The following BRD3 variants were observed in gnomAD, a reference collection of about 807,000 sequenced individuals.
BRD3 encodes bromodomain-containing protein 3.
A neutral mutation model predicts 66.8 loss-of-function variants in BRD3; 17 were observed. That is an observed-to-expected ratio of 0.25 (90% CI 0.17 to 0.38). BRD3 has a LOEUF of 0.38. BRD3 is among the 10% of genes least tolerant of loss of function. The pLI, the probability that BRD3 is intolerant of heterozygous loss-of-function variation, is 1.00. For missense variants in BRD3, 713 were observed against 956.1 expected (o/e 0.75, Z 3.35); for synonymous variants, 421 against 393.2 (o/e 1.07, Z -0.84).
rs377011030 is a variant in BRD3 at position 134,036,346 on chromosome 9, C to T, written c.1644-22G>A. 3.7e-5 allele frequency: 58 copies of T among 1,582,784 alleles called. No individual in the cohort carries two copies. The African/African-American group carries it at 7.0e-4, about 19-fold the overall frequency. ...CTGTCTGGGGCAGGAGACAGAGCAA[C>T]GTGGTGTTGAGTCTCCGTCTACCTG... On this transcript the variant is annotated intron_variant, in intron 9 of 11. Transcript: ENST00000303407.
At position 134,036,197 on chromosome 9, in the gene BRD3, T is replaced by C. The variant is rs1191677731; in HGVS notation, c.1771A>G (p.Lys591Glu). 6.2e-7 allele frequency: 1 copy of C among 1,614,198 alleles called. No individual in the cohort carries two copies. ...ATGATGTGCACTACCCGGCCCAGCT[T>C]CTCCCCGGGCAGCCGGTTGATGTCC... ...SLDINRLPGE[K>E]LGRVVHIIQS... The change falls in exon 10 of 12, where the codon AAG (lysine) becomes GAG (glutamate). Residue 591 changes from lysine to glutamate, a missense_variant. Physicochemically the swap from Lys to Glu is moderately conservative, Grantham distance 56. Around this residue, in one of 5 missense-constraint regions of BRD3, gnomAD observed 418 missense variants for 609.3 expected, o/e 0.69. Transcript: ENST00000303407.
At position 134,050,487 on chromosome 9, in the gene BRD3, C is replaced by A. The variant is rs2132423143; in HGVS notation, c.601G>T (p.Val201Leu). ...GTGACGTTTGCAGTGATGGTTGGTA[C>A]AGGGGTGGCAGCGATGACGGGCGTC... is the stretch of plus-strand genomic sequence containing the variant. ...SQTPVIAATP[V>L]PTITANVTSV... is the part of the protein sequence containing the mutation. Residue 201 changes from valine (V) to leucine (L), a missense_variant, in exon 5 of 12, where the codon GTA (valine) becomes TTA (leucine). By Grantham distance (32) the Val-to-Leu change is conservative. Coordinates refer to ENST00000303407, the MANE Select transcript of BRD3 (RefSeq NM_007371.4). 1 of 1,609,744 alleles carries A rather than the reference C, an allele frequency of 6.2e-7. No individual in the cohort carries two copies. Among genetic ancestry groups the A allele is most frequent in the Non-Finnish European group, 8.5e-7 (1 of 1,177,840 alleles).
intron 1 of BRD3, among the ~76,000 whole-genome samples, chr9:134,064,383 TAAAA>T (rs149541121): frequency 6.0e-5 from 9 of 149,184 alleles, no homozygotes; most frequent in Non-Finnish European, 1.0e-4. Context: ...TAAAAAAAAT[TAAAA>T]AAAATAGCCA....
intron 1 of BRD3, among the ~76,000 whole-genome samples, chr9:134,066,819 T>A (rs1830669026): frequency 6.6e-6 from 1 of 152,224 alleles, no homozygotes; most frequent in Admixed American, 6.5e-5. Context: ...AGTATCTATT[T>A]CTGAGCAGAA....
chr9:134,036,629 G>T (rs762725959), intron 9 of BRD3: 4 of 1,423,496 alleles, frequency 2.8e-6, no homozygotes, highest in Non-Finnish European at 4.0e-6. Context: ...AAAAAAGGGG[G>T]AACAAAGGAA....
Position 134,041,690 on chromosome 9 carries a change from G to T in BRD3, c.1407+70C>A. 5 of 1,537,464 alleles carry T rather than the reference G, an allele frequency of 3.3e-6. No individual in the cohort carries two copies. In the South Asian group the frequency reaches 6.0e-5, roughly 18 times the overall value. On this transcript the variant is annotated intron_variant, in intron 8 of 11. Transcript: ENST00000303407. ...AGAGGAAGGAACCATGCAAAGGGAC[G>T]GACCTTGGGCTGCTGTGCCAGCAAT...
intron 7 of BRD3, 129 bp from the exon 8 acceptor site, chr9:134,042,080 G>A: frequency 3.6e-6 from 4 of 1,104,328 alleles, no homozygotes; most frequent in Non-Finnish European, 5.0e-6. Context: ...GGGCTAGGAG[G>A]AGACAGGGTC....
At position 134,033,961 on chromosome 9, in the gene BRD3, A is replaced by G. The variant is rs1843557537; in HGVS notation, c.2066-256T>C. 6.6e-6 allele frequency among the ~76,000 whole-genome samples: 1 copy of G among 152,184 alleles called. No individual in the cohort carries two copies. The highest frequency in any genetic ancestry group is 1.5e-5 in the Non-Finnish European group (1 of 68,022). On this transcript the variant is annotated intron_variant, in intron 11 of 11. Coordinates refer to ENST00000303407, the MANE Select transcript of BRD3 (RefSeq NM_007371.4). The surrounding 1 kb of genome is among the most constrained non-coding windows in gnomAD (Gnocchi z 5.1). ...GCGAGAAAGGCTGCCCATCAAAAAC[A>G]TCCACCAGTCACATGGCCACCAGCA... is the stretch of plus-strand genomic sequence containing the variant.
chr9:134,034,958 G>A, intron 10 of BRD3, 129 bp from the exon 11 acceptor site: 1 of 1,392,954 alleles, frequency 7.2e-7, no homozygotes, highest in Non-Finnish European at 9.8e-7. Context: ...GCTTTCATGA[G>A]TCTGGGAGCT....
At chr9:134,062,837 G>A (rs1463601839) in intron 1 of BRD3, among the ~76,000 whole-genome samples, 4 of 152,206 alleles carry the variant, frequency 2.6e-5, no homozygotes, top group Non-Finnish European at 5.9e-5. Context: ...TCAGGCAGGG[G>A]ACTCTCTTCA....
chr9:134,050,375 T>C lies in BRD3; in HGVS notation c.713A>G (p.Lys238Arg), dbSNP rs1830263864. The change falls in exon 5 of 12, where the codon AAG (lysine) becomes AGG (arginine). Residue 238 changes from lysine to arginine, a missense_variant and splice_region_variant. Lys to Arg is a conservative substitution (Grantham distance 26). Around this residue, in one of 5 missense-constraint regions of BRD3, gnomAD observed 418 missense variants for 609.3 expected, o/e 0.69. Coordinates refer to ENST00000303407, the MANE Select transcript of BRD3 (RefSeq NM_007371.4). ...PVVPPTPPVVKKKGVKRKADT... is the reference protein window; with the variant it reads ...PVVPPTPPVVRKKGVKRKADT... ...CCCATCCGGACTCAGGGTGCTCACC[T>C]TGACGACAGGCGGCGTAGGAGGGAC... 6.2e-7 allele frequency: 1 copy of C among 1,610,074 alleles called. No homozygotes were observed. The highest frequency in any genetic ancestry group is 1.3e-5 in the African/African-American group (1 of 74,974).
chr9:134,061,028 A>T (rs1484147560), intron 1 of BRD3, among the ~76,000 whole-genome samples: 1 of 152,254 alleles, frequency 6.6e-6, no homozygotes, highest in African/African-American at 2.4e-5. Context: ...AGGGAATGGG[A>T]ATCTGTCCAG....
In BRD3 at chr9:134,036,024, C is replaced by T; in HGVS notation, c.1936+8G>A. Reference sequence around the variant, plus strand: ...CTTCAAGCACCACGCTCCACGCAGGCAACTTACAGAACGGTTTCCTTTGCT... The same window carrying T: ...CTTCAAGCACCACGCTCCACGCAGGTAACTTACAGAACGGTTTCCTTTGCT... On this transcript the variant is annotated splice_region_variant and intron_variant, in intron 10 of 11. Coordinates refer to ENST00000303407, the MANE Select transcript of BRD3 (RefSeq NM_007371.4). 1 of 1,586,072 alleles carries T rather than the reference C, an allele frequency of 6.3e-7. No individual in the cohort carries two copies.
chr9:134,053,262 C>T lies in BRD3; in HGVS notation c.213+3G>A. On this transcript the variant is annotated splice_donor_region_variant and intron_variant, in intron 2 of 11. Transcript: ENST00000303407. ...GGCTCTTGGGGAGGCAGCAGCTACG[C>T]ACCGGCAGGTTCAATTTGATTGCGT... The T allele has an allele frequency of 6.2e-7, 1 of 1,613,232 alleles. No homozygotes were observed. The highest frequency in any genetic ancestry group is 8.5e-7 in the Non-Finnish European group (1 of 1,180,016).
intron 2 of BRD3, 77 bp from the exon 3 acceptor site, chr9:134,052,520 C>T (rs1830327001): frequency 2.0e-6 from 3 of 1,500,210 alleles, no homozygotes; most frequent in Admixed American, 1.8e-5. Flanking sequence ...GGACACAGCC[C>T]GACCTTCCCA....
At chr9:134,046,785 T>G (rs1006322017) in intron 6 of BRD3, among the ~76,000 whole-genome samples, 1 of 152,148 alleles carries the variant, frequency 6.6e-6, no homozygotes, top group African/African-American at 2.4e-5. Flanking sequence ...CCAGGACAGA[T>G]AGAGGTGGGA....
rs752502651 is a variant in BRD3, at chr9:134,051,847, ATGTGTG to A, written c.352-144_352-139del. The A allele has an allele frequency of 2.1e-3, 1,084 of 516,830 alleles. 34 individuals carry two copies. In the East Asian group the frequency reaches 0.032, roughly 15 times the overall value. 32.0% of individuals were successfully genotyped at this position (516,830 alleles called of 1,614,324 possible). ...GCGCAGGAGAGAACAAAATGAATAT[ATGTGTG>A]TGTGTGTGTGTGTGTGTGTGTGTGT... is the stretch of plus-strand genomic sequence containing the variant. On this transcript the variant is annotated intron_variant, in intron 3 of 11. Coordinates refer to ENST00000303407, the MANE Select transcript of BRD3 (RefSeq NM_007371.4).
In BRD3 at chr9:134,040,152, C is replaced by G. The variant is rs745362189; in HGVS notation, c.1525G>C (p.Glu509Gln). The G allele has an allele frequency of 6.4e-7, 1 of 1,559,010 alleles. No individual in the cohort carries two copies. The highest frequency in any genetic ancestry group is 8.7e-7 in the Non-Finnish European group (1 of 1,151,454). Residue 509 changes from glutamate (E) to glutamine (Q), a missense_variant, in exon 9 of 12, where the codon GAG (glutamate) becomes CAG (glutamine). Physicochemically the swap from Glu to Gln is conservative, Grantham distance 29 (BLOSUM62 2). Around this residue, in one of 5 missense-constraint regions of BRD3, gnomAD observed 418 missense variants for 609.3 expected, o/e 0.69. Coordinates refer to ENST00000303407, the MANE Select transcript of BRD3 (RefSeq NM_007371.4). ...TCCTCGGCCTTCACTTTGTGCTTCT[C>G]CTTCTCCTTCTCCTTGTCCTTCTTC... The part of the protein sequence containing the change: ...KKKKDKEKEK[E>Q]KHKVKAEEEK...
chr9:134,036,250 C>T lies in BRD3; in HGVS notation c.1718G>A (p.Ser573Asn), dbSNP rs1002210873. ...GCTAAGCTGGCGCTTTTCATCGTAG[C>T]TCATGGGCAGGCCCTCCTCCTCTTC... ...SEEEEEGLPM[S>N]YDEKRQLSLD... Residue 573 changes from serine (S) to asparagine (N), a missense_variant, in exon 10 of 12, where the codon AGC becomes AAC. By Grantham distance (46) the Ser-to-Asn change is conservative. Transcript: ENST00000303407. 2 of 1,614,028 alleles carry T rather than the reference C, an allele frequency of 1.2e-6. No homozygotes were observed. The highest frequency in any genetic ancestry group is 1.7e-6 in the Non-Finnish European group (2 of 1,180,034).
Sources: allele counts gnomAD v4.1 joint callset (sites outside exome capture counted in the v4.1 genomes callset), GRCh38; gene constraint gnomAD v4.1.1; regional missense constraint gnomAD v4.1.1; non-coding constraint Gnocchi (gnomAD v3.1); transcripts MANE v1.5; gene names NCBI Gene and HGNC (gene_info 2026-07-23, HGNC 2026-07-21).